BHMT: variants seen among roughly 807,000 people sequenced by gnomAD.
BHMT encodes the protein betaine--homocysteine S-methyltransferase 1.
BHMT carries 38 observed loss-of-function variants against 49.5 expected under a neutral mutation model. That is an observed-to-expected ratio of 0.77 (90% CI 0.59 to 1.01). The LOEUF is 1.01. Ranked by LOEUF, BHMT falls within the 50% of genes least tolerant of loss-of-function variation. BHMT has a pLI of 0.00. For synonymous variants in BHMT, 166 were observed against 176.3 expected, an observed-to-expected ratio of 0.94 and a Z score of 0.46; for missense variants, 426 against 495.7, an observed-to-expected ratio of 0.86 and a Z score of 1.34.
chr5:79,130,014 C>T (rs934816530), intron 7 of BHMT, among the ~76,000 whole-genome samples: 1 of 152,092 alleles, frequency 6.6e-6, no homozygotes, highest in Non-Finnish European at 1.5e-5. Flanking sequence ...CAAAAATTAG[C>T]TGTACTAATT....
intron 2 of BHMT, chr5:79,116,116 G>C (rs1027559434): frequency 2.4e-6 from 1 of 413,028 alleles, no homozygotes; most frequent in African/African-American, 2.0e-5. Flanking sequence ...TACTTGGGAG[G>C]CTGAGGCAGG....
At position 79,131,259 on chromosome 5, in the gene BHMT, CA is replaced by C; in HGVS notation, c.*146del. ...CTATTACCTGAACAAAATAGAATTACAAATAGCACTTGATAATTTTAAAGTA... is the reference window on the plus strand; with the variant it reads ...CTATTACCTGAACAAAATAGAATTACAATAGCACTTGATAATTTTAAAGTA... On this transcript the variant is annotated 3_prime_UTR_variant, in exon 8 of 8. Coordinates refer to ENST00000274353, the MANE Select transcript of BHMT (RefSeq NM_001713.3). The C allele has an allele frequency of 1.3e-6, 1 of 764,246 alleles. No individual in the cohort carries two copies. Among genetic ancestry groups the C allele is most frequent in the Non-Finnish European group, 2.0e-6 (1 of 507,940 alleles). 47.3% of individuals were successfully genotyped at this position (764,246 alleles called of 1,614,324 possible).
At chr5:79,123,523 GGTTGGTTGGTTGGTTGGTTGGTTC>G (rs1329990465) in intron 5 of BHMT, among the ~76,000 whole-genome samples, 4 of 79,376 alleles carry the variant, frequency 5.0e-5, no homozygotes, top group African/African-American at 7.4e-5. Flanking sequence ...CTTTTTGGTT[GGTTGGTTGGTTGGTTGGTTGGTTC>G]GTTGGTTGGT....
intron 1 of BHMT, among the ~76,000 whole-genome samples, chr5:79,114,704 A>C (rs898250029): frequency 6.6e-6 from 1 of 152,196 alleles, no homozygotes; most frequent in East Asian, 1.9e-4. Context: ...TAAGCATAAA[A>C]GAGTCAGGAA....
rs764359897 is a variant in BHMT at position 79,131,008 on chromosome 5, T to C, written c.1113T>C (p.Asp371=). The change falls in exon 8 of 8, where the codon GAT becomes GAC. Residue 371 remains aspartate, a synonymous_variant. Transcript: ENST00000274353. ...ACAACCCTTCAATGTCAAAGCCAGA[T>C]GGCTGGGGAGTGACCAAAGGAACAG... ...RPYNPSMSKP[D]GWGVTKGTAE... is the part of the protein sequence containing the mutation. The C allele has an allele frequency of 1.2e-6, 2 of 1,613,956 alleles. No individual in the cohort carries two copies. Among genetic ancestry groups the C allele is most frequent in the African/African-American group, 1.3e-5 (1 of 75,010 alleles).
At chr5:79,128,582 A>T (rs924532613) in intron 7 of BHMT, among the ~76,000 whole-genome samples, 10 of 152,070 alleles carry the variant, frequency 6.6e-5, no homozygotes, top group African/African-American at 2.4e-4. Flanking sequence ...AGTGGCAATG[A>T]AATGTGATTT....
rs76261246 is a variant in BHMT, at chr5:79,120,079, A to G, written c.286-271A>G. Among the ~76,000 whole-genome samples, 292 of 152,338 alleles carry G rather than the reference A, an allele frequency of 1.9e-3. 1 individual carries two copies. The highest frequency in any genetic ancestry group is 0.015 in the East Asian group (80 of 5,196). On this transcript the variant is annotated intron_variant, in intron 3 of 7. Coordinates refer to ENST00000274353, the MANE Select transcript of BHMT (RefSeq NM_001713.3). Reference sequence around the variant, plus strand: ...CATCTCAGGCACTGGAAGATACCAGATAACATCCTTCAATGTAAAAACTTT... The same window carrying G: ...CATCTCAGGCACTGGAAGATACCAGGTAACATCCTTCAATGTAAAAACTTT...
In BHMT at chr5:79,131,183, A is replaced by G; in HGVS notation, c.*67A>G. ...GTCACAGTTCCTACAAATACGGAAAAGGGGGTTAAAAAGCAGTGCTTTCAT... is the reference window on the plus strand; with the variant it reads ...GTCACAGTTCCTACAAATACGGAAAGGGGGGTTAAAAAGCAGTGCTTTCAT... On this transcript the variant is annotated 3_prime_UTR_variant, in exon 8 of 8. Transcript: ENST00000274353. 6.7e-7 allele frequency: 1 copy of G among 1,484,556 alleles called. No homozygotes were observed. The allele number at this position is 1,484,556 out of a possible 1,614,324, so 92.0% of individuals were successfully genotyped here.
At chr5:79,122,172 A>C (rs1420373682) in intron 5 of BHMT, among the ~76,000 whole-genome samples, 1 of 151,860 alleles carries the variant, frequency 6.6e-6, no homozygotes, top group Non-Finnish European at 1.5e-5. Flanking sequence ...CGAACTCCTG[A>C]CCTCGTGATC....
chr5:79,114,259 G>T (rs1256040434), intron 1 of BHMT, among the ~76,000 whole-genome samples: 1 of 151,814 alleles, frequency 6.6e-6, no homozygotes, highest in Non-Finnish European at 1.5e-5. Flanking sequence ...GTTGTGCTTT[G>T]TTATCTTATG....
intron 5 of BHMT, among the ~76,000 whole-genome samples, chr5:79,123,076 C>T (rs1271539366): frequency 6.6e-6 from 1 of 152,084 alleles, no homozygotes; most frequent in Admixed American, 6.6e-5. Context: ...AAAGTAGAAA[C>T]AATACTTGGA....
At chr5:79,123,535 GGTTGGTTGGTT>G (rs1756506439) in intron 5 of BHMT, among the ~76,000 whole-genome samples, 1 of 148,924 alleles carries the variant, frequency 6.7e-6, no homozygotes, top group Non-Finnish European at 1.5e-5. Flanking sequence ...TTGGTTGGTT[GGTTGGTTGGTT>G]CGTTGGTTGG....
chr5:79,120,272 A>C, intron 3 of BHMT, 78 bp from the exon 4 acceptor site: 1 of 1,306,026 alleles, frequency 7.7e-7, no homozygotes, highest in African/African-American at 1.5e-5. Context: ...TATACAACTA[A>C]GATGTGAATG....
intron 7 of BHMT, among the ~76,000 whole-genome samples, chr5:79,128,547 A>T (rs1289503253): frequency 6.6e-6 from 1 of 151,192 alleles, no homozygotes; most frequent in African/African-American, 2.4e-5. Flanking sequence ...AAAAAAAAAA[A>T]GAATATAGCA....
intron 5 of BHMT, among the ~76,000 whole-genome samples, chr5:79,122,561 A>C (rs1360612145): frequency 6.6e-6 from 1 of 152,104 alleles, no homozygotes; most frequent in Non-Finnish European, 1.5e-5. Flanking sequence ...AAACTCTGGC[A>C]GCACAACATC....
chr5:79,126,961 G>A (rs1050752729), intron 6 of BHMT, among the ~76,000 whole-genome samples: 1 of 152,164 alleles, frequency 6.6e-6, no homozygotes, highest in African/African-American at 2.4e-5. Flanking sequence ...CCTTAGACAA[G>A]TAAGATATTA....
chr5:79,120,562 A>C (rs771924885), intron 4 of BHMT, 21 bp downstream of exon 4: 1 of 1,594,838 alleles, frequency 6.3e-7, no homozygotes, highest in Non-Finnish European at 8.5e-7. Flanking sequence ...ATGTGGTGAA[A>C]GATAAGACAA....
intron 1 of BHMT, among the ~76,000 whole-genome samples, chr5:79,113,129 G>A (rs757008584): frequency 1.3e-5 from 2 of 152,180 alleles, no homozygotes; most frequent in Non-Finnish European, 2.9e-5. Context: ...AGGTCAATTC[G>A]GTTACAGATT....
At chr5:79,117,281 C>CT (rs1756399916) in intron 2 of BHMT, among the ~76,000 whole-genome samples, 1 of 152,076 alleles carries the variant, frequency 6.6e-6, no homozygotes, top group Non-Finnish European at 1.5e-5. Flanking sequence ...ACCCAAGGAC[C>CT]ATGTGAGTGG....
Sources: gnomAD v4.1 joint callset for allele counts (sites outside exome capture counted in the v4.1 genomes callset) on GRCh38, gnomAD v4.1.1 for gene constraint, MANE v1.5 for transcripts, NCBI Gene and HGNC (gene_info 2026-07-23, HGNC 2026-07-21) for gene names.